The following COL11A2 variants were observed in gnomAD, a reference collection of about 807,000 sequenced individuals.
COL11A2 encodes collagen alpha-2(XI) chain.
Under a neutral mutation model 273.4 loss-of-function variants are expected in COL11A2, and 116 were observed. The observed-to-expected ratio is 0.42, with a 90% CI of 0.36 to 0.49. The LOEUF (loss-of-function observed/expected upper bound fraction) is 0.49, where lower values mean the gene tolerates loss of function less well. Ranked by LOEUF, COL11A2 falls within the 20% of genes least tolerant of loss-of-function variation. The pLI is 0.00. For missense variants in COL11A2, 1,866 were observed against 2,309.0 expected (o/e 0.81, Z 3.93); for synonymous variants, 782 against 864.2 (o/e 0.90, Z 1.67).
Position 33,179,609 on chromosome 6 carries a change from T to C in COL11A2, c.1446+110A>G. 6.8e-7 allele frequency: 1 copy of C among 1,468,590 alleles called. No homozygotes were observed. Among genetic ancestry groups the C allele is most frequent in the Non-Finnish European group, 9.3e-7 (1 of 1,070,622 alleles). 91.0% of individuals were successfully genotyped at this position (1,468,590 alleles called of 1,614,324 possible). On this transcript the variant is annotated intron_variant, in intron 13 of 65. Coordinates refer to ENST00000341947, the MANE Select transcript of COL11A2 (RefSeq NM_080680.3). The surrounding 1 kb of genome is among the most constrained non-coding windows in gnomAD (Gnocchi z 6.4). ...CCACTGCCCAGGATTCTCCCCAACC[T>C]CCCTGTTAACCCCAAACCAACCCAG...
chr6:33,164,556 T>A lies in COL11A2; in HGVS notation c.4864-83A>T. ...GAGACAGAGACGGGCCTCAGGAGCA[T>A]CTACGGCACCAGGACAGCTGAGCCA... On this transcript the variant is annotated intron_variant, in intron 64 of 65. Coordinates refer to ENST00000341947, the MANE Select transcript of COL11A2 (RefSeq NM_080680.3). This position sits in a 1 kb window ranked among gnomAD's most constrained non-coding sequence, Gnocchi z 4.7. The A allele has an allele frequency of 8.3e-7, 1 of 1,202,572 alleles. No individual in the cohort carries two copies. Among genetic ancestry groups the A allele is most frequent in the Non-Finnish European group, 1.1e-6 (1 of 870,122 alleles). 74.5% of individuals were successfully genotyped at this position (1,202,572 alleles called of 1,614,324 possible). A position where few individuals can be genotyped will look rare whatever the true frequency, so the allele number is the denominator to read the frequency against.
chr6:33,187,898 T>C (rs1772622297), intron 4 of COL11A2, among the ~76,000 whole-genome samples: 1 of 151,166 alleles, frequency 6.6e-6, no homozygotes, highest in Non-Finnish European at 1.5e-5. Context: ...AGAGGATAGA[T>C]GGGTGGAAGC....
Position 33,164,503 on chromosome 6 carries a change from G to A in COL11A2, c.4864-30C>T, listed in dbSNP as rs192547628. On this transcript the variant is annotated intron_variant, in intron 64 of 65. Transcript: ENST00000341947. This position sits in a 1 kb window ranked among gnomAD's most constrained non-coding sequence, Gnocchi z 4.7. ...AAGGAGAGAGAGGGCTGGCCTCAGAGGGGGAGAGAGAGGGCTGGCCTCAGA... is the reference window on the plus strand; with the variant it reads ...AAGGAGAGAGAGGGCTGGCCTCAGAAGGGGAGAGAGAGGGCTGGCCTCAGA... 4.7e-6 allele frequency: 7 copies of A among 1,497,508 alleles called. No homozygotes were observed. The highest frequency in any genetic ancestry group is 5.4e-6 in the Non-Finnish European group (6 of 1,114,800). 92.8% of individuals were successfully genotyped at this position (1,497,508 alleles called of 1,614,324 possible). A position where few individuals can be genotyped will look rare whatever the true frequency, so the allele number is the denominator to read the frequency against.
Position 33,170,821 on chromosome 6 carries a change from T to C in COL11A2, c.3463A>G (p.Ile1155Val), listed in dbSNP as rs1769934540. Residue 1155 changes from isoleucine to valine, a missense_variant, in exon 46 of 66, where the codon ATT becomes GTT. By Grantham distance (29) the Ile-to-Val change is conservative (BLOSUM62 3). Coordinates refer to ENST00000341947, the MANE Select transcript of COL11A2 (RefSeq NM_080680.3). The surrounding 1 kb of genome is among the most constrained non-coding windows in gnomAD (Gnocchi z 4.3). ...ATCCCCCAACACACCTGTAGGCCAA[T>C]GGGTCCTGGGGGCCCATTGAATCCT... ...TRGFNGPPGP[I>V]GLQGLPGPSG... is the part of the protein sequence containing the mutation. 2 of 1,611,832 alleles carry C rather than the reference T, an allele frequency of 1.2e-6. No individual in the cohort carries two copies. The highest frequency in any genetic ancestry group is 3.3e-5 in the Admixed American group (2 of 59,912).
intron 5 of COL11A2, 69 bp from the exon 6 acceptor site, chr6:33,185,847 G>T (rs1018316808): frequency 3.8e-6 from 2 of 524,142 alleles, no homozygotes; most frequent in Admixed American, 4.0e-5. Context: ...TGAAGGGCGG[G>T]AGAGGGAGAT....
rs1042316112 is a variant in COL11A2 at position 33,176,615 on chromosome 6, T to C, written c.2115+106A>G. The stretch of plus-strand genomic sequence containing the variant: ...GGTTACGGGGCACAGGAATTGAGAA[T>C]GTGGCAGAGCCATATGAATAATGAG... On this transcript the variant is annotated intron_variant, in intron 26 of 65. Transcript: ENST00000341947. The surrounding 1 kb of genome is among the most constrained non-coding windows in gnomAD (Gnocchi z 4.9). The C allele has an allele frequency of 2.9e-6, 4 of 1,394,846 alleles. No homozygotes were observed. In the East Asian group the frequency reaches 6.9e-5, roughly 24 times the overall value. The allele number at this position is 1,394,846 out of a possible 1,614,324, so 86.4% of individuals were successfully genotyped here. A position where few individuals can be genotyped will look rare whatever the true frequency, so the allele number is the denominator to read the frequency against.
In COL11A2 at chr6:33,190,761, CG is replaced by C. The variant is rs930756422; in HGVS notation, c.83-1293del. ...AACACACAAGGGCCGCTTTGAGAGACGAAGGGTGAGTGAGACAGAGACACAG... is the reference window on the plus strand; with the variant it reads ...AACACACAAGGGCCGCTTTGAGAGACAAGGGTGAGTGAGACAGAGACACAG... On this transcript the variant is annotated intron_variant, in intron 1 of 65. Transcript: ENST00000341947. The surrounding 1 kb of genome is among the most constrained non-coding windows in gnomAD (Gnocchi z 4.5). Among the ~76,000 whole-genome samples, 2 of 152,066 alleles carry C rather than the reference CG, an allele frequency of 1.3e-5. No individual in the cohort carries two copies. Among genetic ancestry groups the C allele is most frequent in the African/African-American group, 4.8e-5 (2 of 41,396 alleles).
At position 33,168,972 on chromosome 6, in the gene COL11A2, C is replaced by T. The variant is rs1445759012; in HGVS notation, c.3835G>A (p.Gly1279Arg). 2.5e-6 allele frequency: 4 copies of T among 1,609,328 alleles called. No homozygotes were observed. Among genetic ancestry groups the T allele is most frequent in the Non-Finnish European group, 3.4e-6 (4 of 1,178,252 alleles). ...VGFPGDPGPP[G>R]EGGPRGQDGA... ...AGACTCACCCGAGGGCCACCTTCTC[C>T]AGGGGGGCCAGGGTCACCAGGAAAA... The change falls in exon 52 of 66, where the codon GGA becomes AGA. Residue 1279 changes from glycine to arginine, a missense_variant. Physicochemically the swap from Gly to Arg is moderately radical, Grantham distance 125 (BLOSUM62 -2). Coordinates refer to ENST00000341947, the MANE Select transcript of COL11A2 (RefSeq NM_080680.3).
chr6:33,180,845 T>A (rs1009516191), intron 10 of COL11A2, 115 bp from the exon 11 acceptor site: 23 of 1,553,432 alleles, frequency 1.5e-5, no homozygotes, highest in Non-Finnish European at 2.0e-5. Context: ...GAAGCGTTGA[T>A]TGGAGGGATG....
chr6:33,175,628 C>T lies in COL11A2; in HGVS notation c.2322G>A (p.Lys774=), dbSNP rs201070936. 148 of 1,612,904 alleles carry T rather than the reference C, an allele frequency of 9.2e-5. No individual in the cohort carries two copies. The highest frequency in any genetic ancestry group is 1.2e-4 in the Non-Finnish European group (140 of 1,180,022). The change falls in exon 30 of 66, where the codon AAG becomes AAA. Residue 774 remains lysine, a synonymous_variant. Transcript: ENST00000341947. ...SRGEDGPEGP[K]GRTGPTGDPG... is the part of the protein sequence containing the mutation. ...GGTCTCCAGTCGGTCCAGTGCGTCC[C>T]TTTGGCCCCTCAGGACCATCCTCTC... is the stretch of plus-strand genomic sequence containing the variant.
intron 6 of COL11A2, 92 bp from the exon 7 acceptor site, chr6:33,185,146 G>A (rs1295205458): frequency 8.7e-6 from 8 of 922,328 alleles, no homozygotes; most frequent in African/African-American, 1.6e-5. Flanking sequence ...CCTGTCCCCC[G>A]AGGGCAGGGT....
rs141430703 is a variant in COL11A2 at position 33,186,737 on chromosome 6, C to A, written c.688G>T (p.Gly230Trp). 475 of 1,614,106 alleles carry A rather than the reference C, an allele frequency of 2.9e-4. No homozygotes were observed. In the East Asian group the frequency reaches 9.9e-3, roughly 34 times the overall value. The change falls in exon 5 of 66, where the codon GGG becomes TGG. Residue 230 changes from glycine to tryptophan, a missense_variant. By Grantham distance (184) the Gly-to-Trp change is radical (BLOSUM62 -2). Coordinates refer to ENST00000341947, the MANE Select transcript of COL11A2 (RefSeq NM_080680.3). ...TTTTGGGGTCTTTCCCTCTGGCCCC[C>A]CTCGCATTCCAGCTCCTTCTGTTCA... ...SCEQKELECEGGQRERPQNQQ... is the reference protein window; with the variant it reads ...SCEQKELECEWGQRERPQNQQ...
chr6:33,180,814 A>G (rs1771632907), intron 10 of COL11A2, 84 bp from the exon 11 acceptor site: 2 of 1,567,188 alleles, frequency 1.3e-6, no homozygotes, highest in Non-Finnish European at 1.8e-6. Context: ...TGGTCTGTGC[A>G]GAACAGATCT....
rs532719018 is a variant in COL11A2, at chr6:33,173,758, A to T, written c.2584-13T>A. On this transcript the variant is annotated splice_polypyrimidine_tract_variant and intron_variant, in intron 34 of 65. Coordinates refer to ENST00000341947, the MANE Select transcript of COL11A2 (RefSeq NM_080680.3). This position sits in a 1 kb window ranked among gnomAD's most constrained non-coding sequence, Gnocchi z 6.3. ...CACCAGATGTTCCCTGTGGGGGGAA[A>T]CAGAGTCAAGGAGTGGGAAGAGCTG... 1 of 1,598,486 alleles carries T rather than the reference A, an allele frequency of 6.3e-7. No homozygotes were observed. The highest frequency in any genetic ancestry group is 8.5e-7 in the Non-Finnish European group (1 of 1,169,716).
Position 33,167,758 on chromosome 6 carries a change from G to C in COL11A2, c.4014+41C>G. On this transcript the variant is annotated intron_variant, in intron 55 of 65. Coordinates refer to ENST00000341947, the MANE Select transcript of COL11A2 (RefSeq NM_080680.3). The surrounding 1 kb of genome is among the most constrained non-coding windows in gnomAD (Gnocchi z 6.1). ...GACGGAGGCATCTGAGGGGTGGGAG[G>C]CGGAGGGGATGCTCCAGCACTAGGG... 6.2e-7 allele frequency: 1 copy of C among 1,610,834 alleles called. No homozygotes were observed. Among genetic ancestry groups the C allele is most frequent in the Admixed American group, 1.7e-5 (1 of 59,794 alleles).
intron 3 of COL11A2, 27 bp downstream of exon 3, chr6:33,188,951 G>A (rs373064538): frequency 1.9e-6 from 3 of 1,612,480 alleles, no homozygotes; most frequent in African/African-American, 2.7e-5. Flanking sequence ...TGTGGGCCAG[G>A]CAGACCAGAG....
intron 3 of COL11A2, 120 bp from the exon 4 acceptor site, chr6:33,188,644 G>T: frequency 1.7e-6 from 2 of 1,147,274 alleles, no homozygotes; most frequent in South Asian, 2.5e-5. Context: ...AATAACAATG[G>T]CTACCATTTA....
At position 33,176,504 on chromosome 6, in the gene COL11A2, G is replaced by A. The variant is rs747396753; in HGVS notation, c.2116-18C>T. 6 of 1,610,416 alleles carry A rather than the reference G, an allele frequency of 3.7e-6. No individual in the cohort carries two copies. Among genetic ancestry groups the A allele is most frequent in the Non-Finnish European group, 5.1e-6 (6 of 1,177,828 alleles). ...GAGGGACCCTGGAAGATAAAAGAGA[G>A]GCATTTATAAAGGGGCCTCAGAGTG... On this transcript the variant is annotated intron_variant, in intron 26 of 65. Transcript: ENST00000341947. This position sits in a 1 kb window ranked among gnomAD's most constrained non-coding sequence, Gnocchi z 4.9.
Position 33,178,547 on chromosome 6 carries a change from G to C in COL11A2, c.1720-59C>G, listed in dbSNP as rs1050135130. On this transcript the variant is annotated intron_variant, in intron 18 of 65. Transcript: ENST00000341947. The surrounding 1 kb of genome is among the most constrained non-coding windows in gnomAD (Gnocchi z 4.6). ...AGAGCCCCCAACACAGGCAGACACC[G>C]AACCTCTGCACTTAGCCCATCCATT... is the stretch of plus-strand genomic sequence containing the variant. 1.9e-6 allele frequency: 3 copies of C among 1,610,020 alleles called. No homozygotes were observed. In the Admixed American group the frequency reaches 5.0e-5, roughly 27 times the overall value.
Sources: gnomAD v4.1 joint callset for allele counts (sites outside exome capture counted in the v4.1 genomes callset) on GRCh38, gnomAD v4.1.1 for gene constraint, Gnocchi (gnomAD v3.1) non-coding constraint, MANE v1.5 for transcripts, NCBI Gene and HGNC (gene_info 2026-07-23, HGNC 2026-07-21) for gene names.